RAD51: variants seen among roughly 807,000 people sequenced by gnomAD.
RAD51 encodes the protein RAD51 recombinase.
A neutral mutation model predicts 41.5 loss-of-function variants in RAD51; 14 were observed. That is an observed-to-expected ratio of 0.34 (90% CI 0.22 to 0.53). The LOEUF (loss-of-function observed/expected upper bound fraction) is 0.53. Among genes scored for constraint, RAD51 ranks in the 20% least tolerant of loss-of-function variants. RAD51 has a pLI of 0.95. For missense variants in RAD51, 234 were observed against 422.0 expected, an observed-to-expected ratio of 0.55 and a Z score of 3.90; for synonymous variants, 136 against 148.6, an observed-to-expected ratio of 0.92 and a Z score of 0.62.
chr15:40,707,885 TTTTTGTATTTTTAGTAGAGACGGGA>T (rs1895452477), intron 4 of RAD51, among the ~76,000 whole-genome samples: 1 of 151,916 alleles, frequency 6.6e-6, no homozygotes, highest in South Asian at 2.1e-4. Context: ...GCCTGGCTAA[TTTTTGTATTTTTAGTAGAGACGGGA>T]TTTCACCGTC....
At chr15:40,699,843 G>A (rs1432035435) in intron 2 of RAD51, among the ~76,000 whole-genome samples, 1 of 152,170 alleles carries the variant, frequency 6.6e-6, no homozygotes, top group Non-Finnish European at 1.5e-5. Context: ...TATAGAGACT[G>A]CCCTGTGAGT....
At chr15:40,723,401 TA>T (rs1310825295) in intron 6 of RAD51, among the ~76,000 whole-genome samples, 1 of 152,214 alleles carries the variant, frequency 6.6e-6, no homozygotes, top group African/African-American at 2.4e-5. Context: ...ATAATGTTTA[TA>T]GTATCATTAT....
intron 5 of RAD51, among the ~76,000 whole-genome samples, chr15:40,709,970 C>T (rs184872253): frequency 1.1e-3 from 169 of 151,932 alleles, no homozygotes; most frequent in Non-Finnish European, 2.0e-3. Context: ...TGGCTGGGCG[C>T]GGTGACTCAC....
intron 5 of RAD51, among the ~76,000 whole-genome samples, chr15:40,709,876 T>A (rs1222731983): frequency 6.6e-6 from 1 of 152,050 alleles, no homozygotes; most frequent in African/African-American, 2.4e-5. Context: ...AAATTCAAGA[T>A]GACAGGCCAG....
Position 40,701,209 on chromosome 15 carries a change from C to G in RAD51, c.225+8C>G. On this transcript the variant is annotated splice_region_variant and intron_variant, in intron 3 of 9. Coordinates refer to ENST00000267868, the MANE Select transcript of RAD51 (RefSeq NM_002875.5). ...AAAGCTGATAAAATTCTGGTAAGTA[C>G]TGCTTACTTAACCTAGGGAGGCATT... The G allele has an allele frequency of 6.2e-7, 1 of 1,613,864 alleles. No homozygotes were observed. Among genetic ancestry groups the G allele is most frequent in the Non-Finnish European group, 8.5e-7 (1 of 1,179,796 alleles).
At chr15:40,706,449 C>T (rs549015628) in intron 4 of RAD51, among the ~76,000 whole-genome samples, 155 bp downstream of exon 4, 1 of 152,328 alleles carries the variant, frequency 6.6e-6, no homozygotes, top group African/African-American at 2.4e-5. Flanking sequence ...GTAATCTCAG[C>T]ACTTTGGGAG....
At chr15:40,727,014 T>C (rs1164420810) in intron 6 of RAD51, among the ~76,000 whole-genome samples, 3 of 151,930 alleles carry the variant, frequency 2.0e-5, no homozygotes, top group Admixed American at 2.0e-4. Context: ...GTTCCCATAG[T>C]TTTTTTTGTG....
intron 6 of RAD51, among the ~76,000 whole-genome samples, chr15:40,719,688 C>T (rs1311952358): frequency 1.3e-5 from 2 of 151,970 alleles, no homozygotes; most frequent in Admixed American, 6.6e-5. Context: ...AAAAGTTAGC[C>T]GGGTGTGTTG....
rs1222352292 is a variant in RAD51, at chr15:40,708,231, C to CTTT, written c.344-778_344-776dup. On this transcript the variant is annotated intron_variant, in intron 4 of 9. Transcript: ENST00000267868. Reference sequence around the variant, plus strand: ...CAGGGTTTCACCATATTGTGCCCAGCTTTTTTTTTTTTTTTTTTGAGGAGT... The same window carrying CTTT: ...CAGGGTTTCACCATATTGTGCCCAGCTTTTTTTTTTTTTTTTTTTTTGAGGAGT... Among the ~76,000 whole-genome samples, 11 of 116,208 alleles carry CTTT rather than the reference C, an allele frequency of 9.5e-5. No individual in the cohort carries two copies. In the East Asian group the frequency reaches 1.2e-3, roughly 13 times the overall value. 76.2% of individuals were successfully genotyped at this position (116,208 alleles called of 152,430 possible).
intron 5 of RAD51, among the ~76,000 whole-genome samples, chr15:40,711,182 A>T (rs1298617866): frequency 2.6e-5 from 4 of 152,136 alleles, no homozygotes; most frequent in African/African-American, 9.7e-5. Flanking sequence ...ATTGCTTGAG[A>T]CCAGGAATTT....
chr15:40,723,842 A>T (rs1020086515), intron 6 of RAD51, among the ~76,000 whole-genome samples: 1 of 152,162 alleles, frequency 6.6e-6, no homozygotes, highest in African/African-American at 2.4e-5. Context: ...GCTCGTGAAG[A>T]GTTTGTAAGT....
intron 3 of RAD51, among the ~76,000 whole-genome samples, chr15:40,702,198 G>C (rs1428894183): frequency 1.3e-5 from 2 of 152,152 alleles, no homozygotes; most frequent in Non-Finnish European, 2.9e-5. Flanking sequence ...TGGAAATAAG[G>C]GTTCTGAGTC....
At chr15:40,704,183 C>T (rs559948071) in intron 3 of RAD51, among the ~76,000 whole-genome samples, 1 of 151,664 alleles carries the variant, frequency 6.6e-6, no homozygotes, top group East Asian at 2.0e-4. Flanking sequence ...AAGCGATTCT[C>T]CTGCCTCAGC....
At chr15:40,698,929 A>G (rs893627933) in intron 2 of RAD51, 84 bp downstream of exon 2, 10 of 1,374,802 alleles carry the variant, frequency 7.3e-6, no homozygotes, top group Non-Finnish European at 1.0e-5. Context: ...CATAAAATAT[A>G]GGTTTACTAC....
At chr15:40,698,896 A>G (rs1306211575) in intron 2 of RAD51, 51 bp downstream of exon 2, 3 of 1,526,226 alleles carry the variant, frequency 2.0e-6, no homozygotes, top group East Asian at 4.5e-5. Flanking sequence ...TCTTCTACCT[A>G]GTGGAAGGTA....
At chr15:40,702,828 T>A (rs1895086553) in intron 3 of RAD51, among the ~76,000 whole-genome samples, 1 of 151,902 alleles carries the variant, frequency 6.6e-6, no homozygotes, top group Non-Finnish European at 1.5e-5. Context: ...TTTTTTTTTT[T>A]TTTTAAAGAA....
chr15:40,731,426 A>AG lies in RAD51; in HGVS notation c.*252dup, dbSNP rs1896871236. 6.0e-6 allele frequency: 3 copies of AG among 499,070 alleles called. No individual in the cohort carries two copies. In the Admixed American group the frequency reaches 1.0e-4, roughly 17 times the overall value. The allele number at this position is 499,070 out of a possible 1,614,324, so 30.9% of individuals were successfully genotyped here. A position where few individuals can be genotyped will look rare whatever the true frequency, so the allele number is the denominator to read the frequency against. Reference sequence around the variant, plus strand: ...TGTGTGTTTTCTTTGGTTTTGGAGGAGGGGTATGAAGTATCTTTGACATGG... The same window carrying AG: ...TGTGTGTTTTCTTTGGTTTTGGAGGAGGGGGTATGAAGTATCTTTGACATGG... On this transcript the variant is annotated 3_prime_UTR_variant, in exon 10 of 10. Transcript: ENST00000267868.
chr15:40,698,721 C>G (rs772968794), intron 1 of RAD51, 36 bp from the exon 2 acceptor site: 3 of 1,572,476 alleles, frequency 1.9e-6, no homozygotes, highest in East Asian at 2.2e-5. Context: ...CCTTATTTCT[C>G]TAGTGTTTAT....
chr15:40,698,962 CTT>C (rs1422279324), intron 2 of RAD51, 117 bp downstream of exon 2: 2 of 1,002,378 alleles, frequency 2.0e-6, no homozygotes, highest in Non-Finnish European at 3.1e-6. Flanking sequence ...CCAAATTAGA[CTT>C]TTCAGAAGTG....
Sources: gnomAD v4.1 joint callset for allele counts (sites outside exome capture counted in the v4.1 genomes callset) on GRCh38, gnomAD v4.1.1 for gene constraint, MANE v1.5 for transcripts, NCBI Gene and HGNC (gene_info 2026-07-23, HGNC 2026-07-21) for gene names.